The following GPATCH1 variants were observed in gnomAD, a reference collection of about 807,000 sequenced individuals.
GPATCH1 encodes the protein G patch domain-containing protein 1.
GPATCH1 carries 73 observed loss-of-function variants against 114.9 expected under a neutral mutation model. That is an observed-to-expected ratio of 0.64 (90% CI 0.53 to 0.77). The LOEUF is 0.77. GPATCH1 is among the 30% of genes least tolerant of loss of function. The probability of loss-of-function intolerance (pLI) is 0.00; values close to 1 mark genes in which losing one functional copy is unlikely to be tolerated. For synonymous variants in GPATCH1, 391 were observed against 428.4 expected (o/e 0.91, Z 1.08); for missense variants, 1,058 against 1,144.3 (o/e 0.92, Z 1.09).
At chr19:33,095,111 G>A (rs1382303187) in intron 5 of GPATCH1, among the ~76,000 whole-genome samples, 4 of 152,180 alleles carry the variant, frequency 2.6e-5, no homozygotes, top group Admixed American at 2.0e-4. Flanking sequence ...AGGCTACAGT[G>A]AGCTATGATC....
rs199668287 is a variant in GPATCH1 at position 33,117,893 on chromosome 19, G to A, written c.2265G>A (p.Arg755=). 94 of 1,613,852 alleles carry A rather than the reference G, an allele frequency of 5.8e-5. No individual in the cohort carries two copies. The Middle Eastern group carries it at 2.2e-3, about 37-fold the overall frequency. ...GCCGCCCATCCATGGACTTATTCAG[G>A]GCCATCTTTGCCAGTTCCTCAGATG... ...EGSRPSMDLF[R]AIFASSSDEK... is the part of the protein sequence containing the mutation. Residue 755 remains arginine, a synonymous_variant, in exon 16 of 20, where the codon AGG becomes AGA. Transcript: ENST00000170564.
rs372078066 is a variant in GPATCH1 at position 33,092,174 on chromosome 19, G to A, written c.295-1185G>A. 3.4e-4 allele frequency among the ~76,000 whole-genome samples: 52 copies of A among 151,846 alleles called. 1 individual carries two copies. Among genetic ancestry groups the A allele is most frequent in the East Asian group, 9.7e-4 (5 of 5,140 alleles). On this transcript the variant is annotated intron_variant, in intron 3 of 19. Coordinates refer to ENST00000170564, the MANE Select transcript of GPATCH1 (RefSeq NM_018025.3). ...TGATTCTCCTGCCTCAGCTTCCCCC[G>A]AGTAGCTGGGATTACAGGCGTGTGC... is the stretch of plus-strand genomic sequence containing the variant.
intron 9 of GPATCH1, among the ~76,000 whole-genome samples, chr19:33,104,626 T>C (rs1407084861): frequency 6.6e-6 from 1 of 152,126 alleles, no homozygotes. Context: ...ACTCCAGTTA[T>C]AGCAGACTCT....
In GPATCH1 at chr19:33,119,050, G is replaced by T. The variant is rs779831056; in HGVS notation, c.2454G>T (p.Pro818=). The change falls in exon 17 of 20, where the codon CCG becomes CCT. Residue 818 remains proline, a synonymous_variant. Transcript: ENST00000170564. ...PAPQEPPPSF[P]IQKMQIDERE... ...CCCAGGAGCCGCCACCTTCCTTCCC[G>T]ATACAAAAGATGCAGATAGATGAAA... The T allele has an allele frequency of 1.9e-6, 3 of 1,613,234 alleles. No homozygotes were observed. In the South Asian group the frequency reaches 3.3e-5, roughly 18 times the overall value.
chr19:33,088,404 G>T (rs947946376), intron 2 of GPATCH1, 136 bp downstream of exon 2: 2 of 621,858 alleles, frequency 3.2e-6, no homozygotes, highest in South Asian at 2.1e-5. Context: ...GAGTGCTGTT[G>T]TGTGATCTTG....
intron 16 of GPATCH1, 31 bp from the exon 17 acceptor site, chr19:33,118,979 C>A: frequency 1.5e-6 from 2 of 1,340,780 alleles, no homozygotes; most frequent in Non-Finnish European, 1.1e-6. Flanking sequence ...ATGGGGCAGA[C>A]GAATGACATG....
rs564086167 is a variant in GPATCH1, at chr19:33,099,692, G to A, written c.1000+1790G>A. On this transcript the variant is annotated intron_variant, in intron 8 of 19. Transcript: ENST00000170564. ...CGGCTCACTGCAACCTCCGTCCCCC[G>A]GGTTCAAGCGATTCTCTTGCCTCAG... Among the ~76,000 whole-genome samples the A allele has an allele frequency of 2.9e-4, 44 of 151,564 alleles. No individual in the cohort carries two copies. In the South Asian group the frequency reaches 8.9e-3, roughly 31 times the overall value.
At chr19:33,097,992 T>C in intron 8 of GPATCH1, 90 bp downstream of exon 8, 1 of 1,202,162 alleles carries the variant, frequency 8.3e-7, no homozygotes, top group East Asian at 2.3e-5. Context: ...AGCACCAGCC[T>C]CTGTTGTTGG....
chr19:33,100,623 C>T (rs1972715428), intron 8 of GPATCH1, among the ~76,000 whole-genome samples: 1 of 143,158 alleles, frequency 7.0e-6, no homozygotes, highest in Non-Finnish European at 1.5e-5. Context: ...CAACAGGAGT[C>T]AAAGCACAAA....
chr19:33,114,204 G>T (rs778212569), intron 14 of GPATCH1, 49 bp from the exon 15 acceptor site: 2 of 1,483,652 alleles, frequency 1.3e-6, no homozygotes, highest in African/African-American at 1.4e-5. Context: ...TGAAGAACTG[G>T]CCTTTTCCTT....
chr19:33,123,282 C>T (rs187224691), intron 17 of GPATCH1, among the ~76,000 whole-genome samples: 154 of 151,870 alleles, frequency 1.0e-3, no homozygotes, highest in Middle Eastern at 3.4e-3. Context: ...TGGCTGTAAT[C>T]CCAGCTACTT....
chr19:33,084,703 C>T (rs972604921), intron 1 of GPATCH1, among the ~76,000 whole-genome samples: 1 of 151,314 alleles, frequency 6.6e-6, no homozygotes, highest in Admixed American at 6.6e-5. Flanking sequence ...CTCTGCCTCC[C>T]AGGCTGGAGT....
intron 19 of GPATCH1, among the ~76,000 whole-genome samples, chr19:33,127,165 T>C (rs1286450579): frequency 6.6e-6 from 1 of 150,656 alleles, no homozygotes. Context: ...GTGTATTAAC[T>C]AGGCTTTTTA....
intron 15 of GPATCH1, among the ~76,000 whole-genome samples, chr19:33,114,971 C>A (rs1208652431): frequency 6.6e-6 from 1 of 151,090 alleles, no homozygotes; most frequent in African/African-American, 2.4e-5. Context: ...CCATGCCTGG[C>A]TAATTTTTGT....
chr19:33,111,936 T>C (rs755674315), intron 12 of GPATCH1, 34 bp downstream of exon 12: 10 of 1,535,606 alleles, frequency 6.5e-6, no homozygotes, highest in Non-Finnish European at 9.0e-6. Context: ...CCTGGTGAAC[T>C]TTAATATTAA....
At chr19:33,085,233 A>G (rs1680907636) in intron 1 of GPATCH1, among the ~76,000 whole-genome samples, 1 of 151,900 alleles carries the variant, frequency 6.6e-6, no homozygotes, top group Non-Finnish European at 1.5e-5. Context: ...TTTGTTTTTG[A>G]GACAGTCTTG....
chr19:33,088,242 A>G lies in GPATCH1; in HGVS notation c.182A>G (p.Tyr61Cys). The G allele has an allele frequency of 3.7e-6, 6 of 1,603,462 alleles. No individual in the cohort carries two copies. The highest frequency in any genetic ancestry group is 5.1e-6 in the Non-Finnish European group (6 of 1,175,192). The change falls in exon 2 of 20, where the codon TAC becomes TGC. Residue 61 changes from tyrosine to cysteine, a missense_variant. By Grantham distance (194) the Tyr-to-Cys change is radical. Around this residue, in one of 3 missense-constraint regions of GPATCH1, gnomAD observed 131 missense variants for 107.2 expected, o/e 1.22. Transcript: ENST00000170564. ...GAFSGGFSAGYFNTVGSKEGW... is the reference protein window; with the variant it reads ...GAFSGGFSAGCFNTVGSKEGW... The stretch of plus-strand genomic sequence containing the variant: ...TTTAGTGGAGGTTTCTCTGCTGGAT[A>G]CTTCAATACTGTTGGCTCAAAAGAA...
intron 3 of GPATCH1, among the ~76,000 whole-genome samples, chr19:33,091,280 G>A (rs1291719011): frequency 6.6e-6 from 1 of 151,804 alleles, no homozygotes; most frequent in African/African-American, 2.4e-5. Context: ...CGGGTGTGGT[G>A]GCGGGTGCCT....
chr19:33,098,157 G>A (rs778448527), intron 8 of GPATCH1, among the ~76,000 whole-genome samples: 1 of 152,220 alleles, frequency 6.6e-6, no homozygotes, highest in African/African-American at 2.4e-5. Context: ...AAAGAGGAAT[G>A]CCTGGACCAG....
Sources: allele counts gnomAD v4.1 joint callset (sites outside exome capture counted in the v4.1 genomes callset), GRCh38; gene constraint gnomAD v4.1.1; regional missense constraint gnomAD v4.1.1; transcripts MANE v1.5; gene names NCBI Gene and HGNC (gene_info 2026-07-23, HGNC 2026-07-21).